The following C9orf85 variants were observed in gnomAD, a reference collection of about 807,000 sequenced individuals.
C9orf85 encodes uncharacterized protein C9orf85.
A neutral mutation model predicts 14.9 loss-of-function variants in C9orf85; 16 were observed. The observed-to-expected ratio is 1.08, with a 90% CI of 0.73 to 1.63. The LOEUF is 1.63. Ranked by LOEUF, C9orf85 falls within the 40% of genes most tolerant of loss-of-function variation. The pLI, the probability that C9orf85 is intolerant of heterozygous loss-of-function variation, is 0.00. For synonymous variants in C9orf85, 45 were observed against 56.8 expected (o/e 0.79, Z 0.93); for missense variants, 172 against 186.1 (o/e 0.92, Z 0.44).
chr9:71,926,203 G>C (rs1232443980), intron 1 of C9orf85, among the ~76,000 whole-genome samples: 1 of 152,226 alleles, frequency 6.6e-6, no homozygotes, highest in African/African-American at 2.4e-5. Context: ...TATAGCTACA[G>C]CTCTTTAATC....
chr9:71,954,370 G>A (rs1822329131), intron 2 of C9orf85, among the ~76,000 whole-genome samples: 1 of 152,070 alleles, frequency 6.6e-6, no homozygotes, highest in African/African-American at 2.4e-5. Context: ...AATAGGTTAT[G>A]TTACAGGACA....
downstream of C9orf85, among the ~76,000 whole-genome samples, chr9:71,977,592 T>C (rs1417733167): frequency 6.6e-6 from 1 of 152,242 alleles, no homozygotes; most frequent in Non-Finnish European, 1.5e-5. Flanking sequence ...GTTATAAATA[T>C]TCCATGATCC....
intron 3 of C9orf85, 81 bp downstream of exon 3, chr9:71,971,699 C>A: frequency 2.1e-6 from 2 of 968,704 alleles, no homozygotes; most frequent in Middle Eastern, 2.9e-4. Flanking sequence ...CCTTGCTAGG[C>A]GCAGTGGCTC....
At chr9:71,963,541 G>A (rs1822585543) in intron 2 of C9orf85, among the ~76,000 whole-genome samples, 7 of 152,372 alleles carry the variant, frequency 4.6e-5, no homozygotes, top group Admixed American at 2.6e-4. Context: ...GGTGTGGAGG[G>A]AGAGGCGTGA....
At chr9:71,942,902 C>CAAAAAAAAAAAA (rs10708553) in intron 1 of C9orf85, among the ~76,000 whole-genome samples, 1 of 122,906 alleles carries the variant, frequency 8.1e-6, no homozygotes. Context: ...GACTCCGACT[C>CAAAAAAAAAAAA]AAAAAAAAAA....
chr9:71,950,102 A>G (rs929236576), intron 2 of C9orf85, among the ~76,000 whole-genome samples: 3 of 152,172 alleles, frequency 2.0e-5, no homozygotes, highest in Admixed American at 6.6e-5. Context: ...TCCTGAACAC[A>G]TGGCACATTA....
downstream of C9orf85, chr9:71,984,092 G>A (rs778659551): frequency 6.6e-6 from 1 of 152,196 alleles, no homozygotes; most frequent in Non-Finnish European, 1.5e-5. Context: ...CTAAGAAACT[G>A]TTGATGTAAC....
intron 2 of C9orf85, among the ~76,000 whole-genome samples, chr9:71,953,899 G>A (rs1254458329): frequency 6.6e-6 from 1 of 152,018 alleles, no homozygotes; most frequent in Non-Finnish European, 1.5e-5. Context: ...AGGAGTTTGA[G>A]ACTAGCCTGG....
chr9:71,928,088 G>A (rs1371104155), intron 1 of C9orf85, among the ~76,000 whole-genome samples: 1 of 151,682 alleles, frequency 6.6e-6, no homozygotes, highest in African/African-American at 2.4e-5. Context: ...TTGGGAGGCT[G>A]AGGCAGGACA....
intron 2 of C9orf85, among the ~76,000 whole-genome samples, chr9:71,967,187 T>C (rs543654756): frequency 2.6e-5 from 4 of 152,260 alleles, no homozygotes; most frequent in Non-Finnish European, 5.9e-5. Flanking sequence ...CTAGAAGTTG[T>C]ATAATTCTTG....
intron 3 of C9orf85, among the ~76,000 whole-genome samples, chr9:71,978,891 C>T (rs1024011453): frequency 5.9e-5 from 9 of 152,048 alleles, no homozygotes; most frequent in Admixed American, 2.0e-4. Context: ...AAAAATTAGC[C>T]GGGCGTGGAG....
intron 3 of C9orf85, 40 bp downstream of exon 3, chr9:71,971,658 A>G: frequency 7.7e-7 from 1 of 1,304,310 alleles, no homozygotes; most frequent in Non-Finnish European, 1.1e-6. Context: ...ACTCTTAGTG[A>G]TTGATACATG....
chr9:71,912,752 C>T (rs539692904), intron 1 of C9orf85, among the ~76,000 whole-genome samples: 1 of 152,222 alleles, frequency 6.6e-6, no homozygotes, highest in Non-Finnish European at 1.5e-5. Context: ...GACGTGGTGA[C>T]GGGTGCCGGT....
intron 2 of C9orf85, among the ~76,000 whole-genome samples, chr9:71,949,754 GGCTAAGCATAGTAAACTAAATGA>G (rs1822199044): frequency 6.6e-6 from 1 of 152,132 alleles, no homozygotes; most frequent in Non-Finnish European, 1.5e-5. Flanking sequence ...AAAAACAAAG[GGCTAAGCATAGTAAACTAAATGA>G]GCTAAGGGTA....
intron 2 of C9orf85, among the ~76,000 whole-genome samples, chr9:71,949,019 G>A (rs540683544): frequency 5.9e-5 from 9 of 152,224 alleles, no homozygotes; most frequent in Admixed American, 1.3e-4. Flanking sequence ...TTCTCTGCTA[G>A]AGTAATTAGA....
chr9:71,936,939 T>C (rs1828205376), intron 1 of C9orf85, among the ~76,000 whole-genome samples: 1 of 151,978 alleles, frequency 6.6e-6, no homozygotes, highest in African/African-American at 2.4e-5. Flanking sequence ...TCATTTTTTT[T>C]GTAGAAACGG....
chr9:71,920,172 G>C (rs914267558), intron 1 of C9orf85, among the ~76,000 whole-genome samples: 1 of 151,962 alleles, frequency 6.6e-6, no homozygotes, highest in African/African-American at 2.4e-5. Context: ...TTAATGTTGA[G>C]GCCTGATATA....
chr9:71,930,803 C>CAAAAAAAAAAAAAAAA (rs747596247), intron 1 of C9orf85, among the ~76,000 whole-genome samples: 1 of 61,022 alleles, frequency 1.6e-5, no homozygotes, highest in Non-Finnish European at 3.1e-5. Context: ...GACCCTGTCT[C>CAAAAAAAAAAAAAAAA]AAAAAAAAAA....
At chr9:71,953,200 C>T (rs1425863765) in intron 2 of C9orf85, among the ~76,000 whole-genome samples, 1 of 152,146 alleles carries the variant, frequency 6.6e-6, no homozygotes, top group African/African-American at 2.4e-5. Context: ...GTTGAGAAGC[C>T]TTGCTCTGTA....
Sources: gnomAD v4.1 joint callset for allele counts (sites outside exome capture counted in the v4.1 genomes callset) on GRCh38, gnomAD v4.1.1 for gene constraint, MANE v1.5 for transcripts, NCBI Gene and HGNC (gene_info 2026-07-23, HGNC 2026-07-21) for gene names.